KCNT2: variants seen among roughly 807,000 people sequenced by gnomAD.
KCNT2 encodes the protein potassium channel subfamily T member 2.
KCNT2 carries 67 observed loss-of-function variants against 153.8 expected under a neutral mutation model. The ratio of observed to expected loss-of-function variants is 0.44; its 90% CI spans 0.36 to 0.53. KCNT2 has a LOEUF of 0.53. Among genes scored for constraint, KCNT2 ranks in the 20% least tolerant of loss-of-function variants. KCNT2 has a pLI of 0.00. For synonymous variants in KCNT2, 500 were observed against 458.8 expected (o/e 1.09, Z -1.15); for missense variants, 975 against 1,354.8 (o/e 0.72, Z 4.40).
intron 14 of KCNT2, among the ~76,000 whole-genome samples, chr1:196,369,723 C>T (rs1003004971): frequency 6.6e-6 from 1 of 152,044 alleles, no homozygotes; most frequent in Admixed American, 6.6e-5. Flanking sequence ...TCCAGTCTAT[C>T]ATTGTTGGAC....
intron 1 of KCNT2, among the ~76,000 whole-genome samples, chr1:196,606,748 C>G (rs182775204): frequency 7.9e-5 from 12 of 152,140 alleles, no homozygotes; most frequent in Non-Finnish European, 1.5e-4. Flanking sequence ...AAGAGGATTT[C>G]TATTCTATAT....
chr1:196,449,439 G>T (rs1407161821), intron 8 of KCNT2, among the ~76,000 whole-genome samples: 2 of 151,542 alleles, frequency 1.3e-5, no homozygotes, highest in African/African-American at 2.4e-5. Context: ...GGATTATTAG[G>T]GAAAATCAGA....
At chr1:196,513,013 CTG>C (rs1343843736) in intron 1 of KCNT2, among the ~76,000 whole-genome samples, 1 of 152,066 alleles carries the variant, frequency 6.6e-6, no homozygotes, top group Middle Eastern at 3.2e-3. Flanking sequence ...CTTATCGTGT[CTG>C]AAAAAGGAGG....
At chr1:196,257,688 A>G in intron 26 of KCNT2, 3 of 981,580 alleles carry the variant, frequency 3.1e-6, no homozygotes, top group Non-Finnish European at 3.6e-6. Context: ...ACAGATTGGC[A>G]CTATATGAGA....
rs1234397403 is a variant in KCNT2, at chr1:196,225,948, T to G, written c.*2276A>C. The G allele has an allele frequency of 6.6e-6, 1 of 152,128 alleles. No individual in the cohort carries two copies. Among genetic ancestry groups the G allele is most frequent in the South Asian group, 2.1e-4 (1 of 4,834 alleles). The allele number at this position is 152,128 out of a possible 1,614,324, so 9.4% of individuals were successfully genotyped here. A position where few individuals can be genotyped will look rare whatever the true frequency, so the allele number is the denominator to read the frequency against. On this transcript the variant is annotated 3_prime_UTR_variant, in exon 28 of 28. Transcript: ENST00000294725. ...GTATAATTATTTTAAAAAGGCAACA[T>G]TTCATTAAAAGTCTTTTATAAGCAT...
At chr1:196,585,755 C>T (rs1662606161) in intron 1 of KCNT2, among the ~76,000 whole-genome samples, 1 of 152,000 alleles carries the variant, frequency 6.6e-6, no homozygotes, top group African/African-American at 2.4e-5. Context: ...CAGTGTAATT[C>T]CTTGGACATA....
intron 23 of KCNT2, among the ~76,000 whole-genome samples, chr1:196,284,131 T>A (rs1303737009): frequency 6.8e-6 from 1 of 146,328 alleles, no homozygotes; most frequent in African/African-American, 2.5e-5. Context: ...TTTGGGAGCC[T>A]GAGGCAGGAG....
intron 1 of KCNT2, among the ~76,000 whole-genome samples, chr1:196,547,513 A>G (rs557220815): frequency 6.6e-6 from 1 of 152,132 alleles, no homozygotes; most frequent in African/African-American, 2.4e-5. Flanking sequence ...AGAAACATTT[A>G]CTTCAAGTTC....
At chr1:196,329,231 T>G (rs60185937) in intron 18 of KCNT2, among the ~76,000 whole-genome samples, 2 of 152,146 alleles carry the variant, frequency 1.3e-5, no homozygotes, top group South Asian at 4.2e-4. Flanking sequence ...AATCCCATAC[T>G]GTTCCTAAAA....
chr1:196,441,082 A>T (rs1675183253), intron 8 of KCNT2, among the ~76,000 whole-genome samples: 2 of 151,936 alleles, frequency 1.3e-5, no homozygotes, highest in Non-Finnish European at 2.9e-5. Context: ...CAAATTGAGC[A>T]TGCCATATGG....
chr1:196,363,863 C>CA (rs1215096740), intron 14 of KCNT2, among the ~76,000 whole-genome samples: 3 of 152,128 alleles, frequency 2.0e-5, no homozygotes, highest in African/African-American at 7.2e-5. Flanking sequence ...TGTTCTGTCT[C>CA]AGAGACATGG....
chr1:196,439,914 C>A (rs894246583), intron 8 of KCNT2, among the ~76,000 whole-genome samples: 1 of 151,688 alleles, frequency 6.6e-6, no homozygotes, highest in Non-Finnish European at 1.5e-5. Context: ...GGGGAGGGAG[C>A]GCATTACGAC....
chr1:196,356,923 T>A (rs980315750), intron 14 of KCNT2, among the ~76,000 whole-genome samples: 3 of 151,810 alleles, frequency 2.0e-5, no homozygotes, highest in Admixed American at 6.6e-5. Flanking sequence ...ATAAAACTTA[T>A]CTACTGGTAG....
intron 16 of KCNT2, among the ~76,000 whole-genome samples, chr1:196,336,350 T>G (rs917987593): frequency 5.9e-5 from 9 of 152,098 alleles, no homozygotes; most frequent in African/African-American, 2.2e-4. Context: ...ACCTTGGCTT[T>G]CCAGCTCTTT....
At chr1:196,415,930 T>G (rs550993382) in intron 12 of KCNT2, among the ~76,000 whole-genome samples, 24 of 152,080 alleles carry the variant, frequency 1.6e-4, no homozygotes, top group African/African-American at 5.1e-4. Flanking sequence ...CCATCCACAG[T>G]TTTGCCTTCC....
intron 14 of KCNT2, among the ~76,000 whole-genome samples, chr1:196,365,794 C>A (rs1311358684): frequency 6.6e-6 from 1 of 152,184 alleles, no homozygotes; most frequent in Non-Finnish European, 1.5e-5. Context: ...TTGTCTTCTC[C>A]TGTCTCTCTC....
intron 3 of KCNT2, among the ~76,000 whole-genome samples, chr1:196,485,430 T>C (rs1156874470): frequency 1.3e-5 from 2 of 152,072 alleles, no homozygotes; most frequent in African/African-American, 4.8e-5. Flanking sequence ...AATTTTCTAA[T>C]GTGTATATCT....
chr1:196,479,121 T>C (rs528237919), intron 5 of KCNT2, 58 bp downstream of exon 5: 2 of 1,100,058 alleles, frequency 1.8e-6, no homozygotes, highest in South Asian at 2.7e-5. Context: ...AGAGGAATAC[T>C]GAGTAAATAC....
At chr1:196,522,984 C>G (rs1039877703) in intron 1 of KCNT2, among the ~76,000 whole-genome samples, 1 of 152,208 alleles carries the variant, frequency 6.6e-6, no homozygotes, top group Non-Finnish European at 1.5e-5. Context: ...CCACTTGGGT[C>G]CCCTTCCATG....
Sources: allele counts gnomAD v4.1 joint callset (sites outside exome capture counted in the v4.1 genomes callset), GRCh38; gene constraint gnomAD v4.1.1; transcripts MANE v1.5; gene names NCBI Gene and HGNC (gene_info 2026-07-23, HGNC 2026-07-21).